Variants in SMG6 observed in about 807,000 individuals in gnomAD.
The protein encoded by SMG6 is telomerase-binding protein EST1A.
SMG6 carries 66 observed loss-of-function variants against 142.2 expected under a neutral mutation model. The observed-to-expected ratio is 0.46, with a 90% CI of 0.38 to 0.57. The LOEUF (loss-of-function observed/expected upper bound fraction) is 0.57. Ranked by LOEUF, SMG6 falls within the 20% of genes least tolerant of loss-of-function variation. The pLI, the probability that SMG6 is intolerant of heterozygous loss-of-function variation, is 0.00. For synonymous variants in SMG6, 779 were observed against 702.4 expected (o/e 1.11, Z -1.72); for missense variants, 1,793 against 1,832.0 (o/e 0.98, Z 0.39).
chr17:2,274,642 C>T (rs1413123932), intron 8 of SMG6, among the ~76,000 whole-genome samples: 2 of 151,928 alleles, frequency 1.3e-5, no homozygotes, highest in Non-Finnish European at 2.9e-5. Context: ...TCAAAGAGGC[C>T]AAGGAGAAGG....
At chr17:2,124,677 A>G (rs2069814019) in intron 13 of SMG6, among the ~76,000 whole-genome samples, 1 of 152,080 alleles carries the variant, frequency 6.6e-6, no homozygotes, top group African/African-American at 2.4e-5. Flanking sequence ...CATTAGAGAG[A>G]AGCTGGGGAA....
At chr17:2,193,933 C>T (rs751481546) in intron 10 of SMG6, among the ~76,000 whole-genome samples, 3 of 152,170 alleles carry the variant, frequency 2.0e-5, no homozygotes, top group African/African-American at 2.4e-5. Context: ...TGGGTTCAAG[C>T]GATTCTTCCG....
chr17:2,094,129 A>G (rs1030525171), intron 13 of SMG6, among the ~76,000 whole-genome samples: 3 of 152,218 alleles, frequency 2.0e-5, no homozygotes, highest in African/African-American at 7.2e-5. Context: ...AATGTATCAG[A>G]AATACAGTCA....
intron 13 of SMG6, among the ~76,000 whole-genome samples, chr17:2,095,476 A>G (rs1424394805): frequency 6.6e-6 from 1 of 152,206 alleles, no homozygotes; most frequent in Non-Finnish European, 1.5e-5. Context: ...GCAGTTCAGC[A>G]ACATGTAAGT....
In SMG6 at chr17:2,172,626, G is replaced by A. The variant is rs9892362; in HGVS notation, c.3357+32C>T. ...AGTCTGGAGAATTAAGAGGAGGGGCGAATGGGGAGGGATGTTTGGCCTGGG... is the reference window on the plus strand; with the variant it reads ...AGTCTGGAGAATTAAGAGGAGGGGCAAATGGGGAGGGATGTTTGGCCTGGG... On this transcript the variant is annotated intron_variant, in intron 13 of 18. Transcript: ENST00000263073. 7.7e-4 allele frequency: 1,241 copies of A among 1,607,106 alleles called. 7 individuals are homozygous for A. In the African/African-American group the frequency reaches 0.013, roughly 16 times the overall value.
intron 13 of SMG6, chr17:2,086,931 C>A (rs1567586453): frequency 7.1e-6 from 8 of 1,123,726 alleles, no homozygotes; most frequent in Non-Finnish European, 9.3e-6. Flanking sequence ...AACACACGTC[C>A]GTGGCCAGAC....
rs2068533701 is a variant in SMG6 at position 2,085,454 on chromosome 17, C to T, written c.3534+271G>A. ...CCTTTCCTAAGCCTCGAGAGCTGCACATTATTCAACTCCTTTCTTTCTTTT... is the reference window on the plus strand; with the variant it reads ...CCTTTCCTAAGCCTCGAGAGCTGCATATTATTCAACTCCTTTCTTTCTTTT... On this transcript the variant is annotated intron_variant, in intron 14 of 18. Coordinates refer to ENST00000263073, the MANE Select transcript of SMG6 (RefSeq NM_017575.5). This position sits in a 1 kb window ranked among gnomAD's most constrained non-coding sequence, Gnocchi z 4.1. 6.6e-6 allele frequency among the ~76,000 whole-genome samples: 1 copy of T among 152,196 alleles called. No homozygotes were observed. The highest frequency in any genetic ancestry group is 1.5e-5 in the Non-Finnish European group (1 of 68,042).
intron 6 of SMG6, among the ~76,000 whole-genome samples, chr17:2,290,522 A>G (rs757368033): frequency 1.3e-5 from 2 of 152,250 alleles, no homozygotes; most frequent in Non-Finnish European, 2.9e-5. Flanking sequence ...AAATAACACA[A>G]CATTAAGCTA....
At chr17:2,251,689 A>T (rs528743421) in intron 8 of SMG6, among the ~76,000 whole-genome samples, 3 of 152,340 alleles carry the variant, frequency 2.0e-5, no homozygotes, top group South Asian at 4.1e-4. Flanking sequence ...AAGCCAGCAG[A>T]CTGAGGGAAA....
chr17:2,098,650 G>C (rs999801388), intron 13 of SMG6, among the ~76,000 whole-genome samples: 4 of 151,990 alleles, frequency 2.6e-5, no homozygotes, highest in African/African-American at 9.7e-5. Context: ...TGTTGTTGTT[G>C]AGACAGTCTC....
chr17:2,298,859 T>G (rs2075203782), intron 2 of SMG6, 47 bp downstream of exon 2: 1 of 1,559,774 alleles, frequency 6.4e-7, no homozygotes, highest in Admixed American at 1.8e-5. Flanking sequence ...TCTATACACC[T>G]CCGGCTGATC....
At chr17:2,276,053 G>A (rs2074640990) in intron 8 of SMG6, among the ~76,000 whole-genome samples, 1 of 152,184 alleles carries the variant, frequency 6.6e-6, no homozygotes, top group African/African-American at 2.4e-5. Flanking sequence ...GTCTGTATTA[G>A]AAATTCTCTA....
At chr17:2,145,192 C>A (rs183419733) in intron 13 of SMG6, among the ~76,000 whole-genome samples, 1 of 152,090 alleles carries the variant, frequency 6.6e-6, no homozygotes, top group Non-Finnish European at 1.5e-5. Context: ...CGGTTCACTG[C>A]AACATCTACC....
intron 10 of SMG6, among the ~76,000 whole-genome samples, chr17:2,207,038 G>A (rs1416456330): frequency 6.6e-6 from 1 of 150,828 alleles, no homozygotes; most frequent in African/African-American, 2.4e-5. Flanking sequence ...TTGGGAAGCC[G>A]GGGCAGGCAG....
chr17:2,223,285 C>T (rs1394379553), intron 10 of SMG6, among the ~76,000 whole-genome samples: 2 of 152,202 alleles, frequency 1.3e-5, no homozygotes, highest in Non-Finnish European at 2.9e-5. Context: ...TTCCCTGCAG[C>T]GTGTCAACTG....
At chr17:2,275,676 TA>T (rs1424080213) in intron 8 of SMG6, among the ~76,000 whole-genome samples, 2 of 152,160 alleles carry the variant, frequency 1.3e-5, no homozygotes, top group African/African-American at 4.8e-5. Context: ...TGACAAGCAG[TA>T]CCCCGTTTCT....
chr17:2,206,170 T>C (rs1438714748), intron 10 of SMG6, among the ~76,000 whole-genome samples: 2 of 152,040 alleles, frequency 1.3e-5, no homozygotes, highest in East Asian at 1.9e-4. Context: ...ACCCCAAAAA[T>C]AGTATCCTAA....
In SMG6 at chr17:2,112,315, T is replaced by C. The variant is rs926919258; in HGVS notation, c.3358-26414A>G. 5.9e-5 allele frequency among the ~76,000 whole-genome samples: 9 copies of C among 151,314 alleles called. No homozygotes were observed. In the East Asian group the frequency reaches 1.4e-3, roughly 23 times the overall value. On this transcript the variant is annotated intron_variant, in intron 13 of 18. Coordinates refer to ENST00000263073, the MANE Select transcript of SMG6 (RefSeq NM_017575.5). ...GTCAGGAGATCGAGACCATCATGGC[T>C]AACATGGTGAAACCCCGTCTCTACT...
rs981128551 is a variant in SMG6, at chr17:2,303,753, C to T, written c.-33G>A. On this transcript the variant is annotated 5_prime_UTR_variant, in exon 1 of 19. Coordinates refer to ENST00000263073, the MANE Select transcript of SMG6 (RefSeq NM_017575.5). Reference sequence around the variant, plus strand: ...GCTGCTGCTACAGCCGTAGCGGCTCCGCCACCGCCGCGCGCAGCCAGGAAA... The same window carrying T: ...GCTGCTGCTACAGCCGTAGCGGCTCTGCCACCGCCGCGCGCAGCCAGGAAA... 6 of 1,475,528 alleles carry T rather than the reference C, an allele frequency of 4.1e-6. No homozygotes were observed. The African/African-American group carries it at 7.3e-5, about 18-fold the overall frequency. 91.4% of individuals were successfully genotyped at this position (1,475,528 alleles called of 1,614,324 possible).
Sources: gnomAD v4.1 joint callset for allele counts (sites outside exome capture counted in the v4.1 genomes callset) on GRCh38, gnomAD v4.1.1 for gene constraint, Gnocchi (gnomAD v3.1) non-coding constraint, MANE v1.5 for transcripts, NCBI Gene and HGNC (gene_info 2026-07-23, HGNC 2026-07-21) for gene names.